Variants in NSD3 observed in about 807,000 individuals in gnomAD.
NSD3 encodes the protein nuclear receptor binding SET domain protein 3, also known as histone-lysine N-methyltransferase NSD3.
In NSD3, 24 loss-of-function variants were observed where a neutral mutation model predicts 160.8. The observed-to-expected ratio is 0.15, with a 90% CI of 0.11 to 0.21. NSD3 has a LOEUF of 0.21. Ranked by LOEUF, NSD3 falls within the 10% of genes least tolerant of loss-of-function variation. NSD3 has a pLI of 1.00. For missense variants in NSD3, 1,157 were observed against 1,735.9 expected, an observed-to-expected ratio of 0.67 and a Z score of 5.93; for synonymous variants, 520 against 600.0, an observed-to-expected ratio of 0.87 and a Z score of 1.95.
chr8:38,291,889 G>C (rs1809004363), intron 16 of NSD3, among the ~76,000 whole-genome samples: 1 of 152,164 alleles, frequency 6.6e-6, no homozygotes, highest in South Asian at 2.1e-4. Flanking sequence ...GGCCTGACTG[G>C]AAAGAAATAC....
At position 38,272,821 on chromosome 8, in the gene NSD3, T is replaced by C. The variant is rs965387205; in HGVS notation, c.*2820A>G. ...GAGCAATGTCTTTTGGAATATTTCA[T>C]TGGTGTATCACAGGCACAGTGCATG... is the stretch of plus-strand genomic sequence containing the variant. On this transcript the variant is annotated 3_prime_UTR_variant, in exon 24 of 24. Coordinates refer to ENST00000317025, the MANE Select transcript of NSD3 (RefSeq NM_023034.2). 6.6e-6 allele frequency: 1 copy of C among 152,222 alleles called. No homozygotes were observed. Among genetic ancestry groups the C allele is most frequent in the Non-Finnish European group, 1.5e-5 (1 of 68,042 alleles). 9.4% of individuals were successfully genotyped at this position (152,222 alleles called of 1,614,324 possible). A position where few individuals can be genotyped will look rare whatever the true frequency, so the allele number is the denominator to read the frequency against.
At position 38,274,871 on chromosome 8, in the gene NSD3, A is replaced by G. The variant is rs1363308036; in HGVS notation, c.*770T>C. On this transcript the variant is annotated 3_prime_UTR_variant, in exon 24 of 24. Transcript: ENST00000317025. ...ACTTCATCCAAAACCCAAACCATCC[A>G]TGTCAATGGAAAACGTTTTAAAAAT... 1 of 180,990 alleles carries G rather than the reference A, an allele frequency of 5.5e-6. No individual in the cohort carries two copies. Among genetic ancestry groups the G allele is most frequent in the Non-Finnish European group, 1.2e-5 (1 of 84,744 alleles). The allele number at this position is 180,990 out of a possible 1,614,324, so 11.2% of individuals were successfully genotyped here. A position where few individuals can be genotyped will look rare whatever the true frequency, so the allele number is the denominator to read the frequency against.
At chr8:38,365,606 G>A (rs1585927588) in intron 1 of NSD3, among the ~76,000 whole-genome samples, 2 of 152,250 alleles carry the variant, frequency 1.3e-5, no homozygotes, top group South Asian at 4.1e-4. Context: ...CAGAGTAGCT[G>A]CAATTACAGG....
Position 38,345,033 on chromosome 8 carries a change from A to G in NSD3, c.675+2464T>C, listed in dbSNP as rs535441245. Among the ~76,000 whole-genome samples the G allele has an allele frequency of 6.6e-5, 10 of 152,348 alleles. No individual in the cohort carries two copies. The South Asian group carries it at 2.1e-3, about 32-fold the overall frequency. The stretch of plus-strand genomic sequence containing the variant: ...TACACATCTCTAGCTTAGCAAAAGC[A>G]TGACATTAACGATAGGCAAGAGCTG... On this transcript the variant is annotated intron_variant, in intron 2 of 23. Transcript: ENST00000317025.
rs1399854074 is a variant in NSD3, at chr8:38,337,448, G to C, written c.767C>G (p.Ser256Cys). The C allele has an allele frequency of 4.6e-5, 74 of 1,601,516 alleles. No individual in the cohort carries two copies. The highest frequency in any genetic ancestry group is 6.3e-5 in the Non-Finnish European group (74 of 1,175,412). ...AGTGGACACTTCCGTTGTTGGAACA[G>C]AAGATAGTATTGGCTGAACCTACAG... ...EEAPVQPILS[S>C]VPTTEVSTGV... is the part of the protein sequence containing the mutation. The change falls in exon 4 of 24, where the codon TCT (serine) becomes TGT (cysteine). Residue 256 changes from serine to cysteine, a missense_variant. Ser to Cys is a moderately radical substitution (Grantham distance 112, BLOSUM62 -1). Coordinates refer to ENST00000317025, the MANE Select transcript of NSD3 (RefSeq NM_023034.2).
At chr8:38,341,728 G>A (rs968211534) in intron 2 of NSD3, among the ~76,000 whole-genome samples, 12 of 152,000 alleles carry the variant, frequency 7.9e-5, no homozygotes, top group Non-Finnish European at 1.8e-4. Context: ...GGGGCAGGTG[G>A]ATCACTTGAG....
intron 19 of NSD3, among the ~76,000 whole-genome samples, chr8:38,286,012 A>G (rs1237440670): frequency 2.6e-5 from 4 of 152,146 alleles, no homozygotes; most frequent in Non-Finnish European, 5.9e-5. Context: ...CAGACTCTCA[A>G]GGTGGCCCCG....
Position 38,316,695 on chromosome 8 carries a change from ACAAT to A in NSD3, c.1856-657_1856-654del. ...GCACATTGCTGAGGGCTGTAAATGG[ACAAT>A]CAGTGTTCAAGTGCAGCCAAATCAC... On this transcript the variant is annotated intron_variant, in intron 9 of 23. Transcript: ENST00000317025. This position sits in a 1 kb window ranked among gnomAD's most constrained non-coding sequence, Gnocchi z 4.5. 9.5e-7 allele frequency: 1 copy of A among 1,055,824 alleles called. No individual in the cohort carries two copies. Among genetic ancestry groups the A allele is most frequent in the Non-Finnish European group, 1.1e-6 (1 of 873,282 alleles). 65.4% of individuals were successfully genotyped at this position (1,055,824 alleles called of 1,614,324 possible). A position where few individuals can be genotyped will look rare whatever the true frequency, so the allele number is the denominator to read the frequency against.
At chr8:38,343,661 C>T (rs777437551) in intron 2 of NSD3, among the ~76,000 whole-genome samples, 2 of 152,156 alleles carry the variant, frequency 1.3e-5, no homozygotes, top group Non-Finnish European at 1.5e-5. Flanking sequence ...CGAGACTGCA[C>T]CACTGCACTC....
intron 3 of NSD3, 25 bp from the exon 4 acceptor site, chr8:38,337,492 C>T (rs371525929): frequency 6.6e-7 from 1 of 1,522,102 alleles, no homozygotes; most frequent in Admixed American, 2.4e-5. Context: ...CAAAAAACTT[C>T]ATCAGAAATT....
intron 12 of NSD3, among the ~76,000 whole-genome samples, chr8:38,308,602 T>G (rs1809460864): frequency 6.6e-6 from 1 of 151,972 alleles, no homozygotes; most frequent in African/African-American, 2.4e-5. Context: ...GAGGATCACT[T>G]GAGCACAGGA....
At chr8:38,275,934 G>T (rs1808590933) in intron 23 of NSD3, 52 bp from the exon 24 acceptor site, 2 of 1,517,532 alleles carry the variant, frequency 1.3e-6, no homozygotes, top group Non-Finnish European at 1.8e-6. Flanking sequence ...GTTAGTGCCT[G>T]TCTTGATTAC....
chr8:38,335,264 A>G (rs1810188513), intron 4 of NSD3, among the ~76,000 whole-genome samples: 1 of 152,236 alleles, frequency 6.6e-6, no homozygotes. Flanking sequence ...CTGGGATTAC[A>G]GGCATGAGGC....
chr8:38,341,788 T>C (rs1810374984), intron 2 of NSD3, among the ~76,000 whole-genome samples: 1 of 150,902 alleles, frequency 6.6e-6, no homozygotes, highest in African/African-American at 2.4e-5. Flanking sequence ...CCCATCTCTA[T>C]AAAAAAAGAG....
chr8:38,337,405 A>G lies in NSD3; in HGVS notation c.810T>C (p.Val270=). The G allele has an allele frequency of 6.2e-7, 1 of 1,612,950 alleles. No homozygotes were observed. The highest frequency in any genetic ancestry group is 8.5e-7 in the Non-Finnish European group (1 of 1,179,594). ...CCACCTTGGACCACACAAGATCGCC[A>G]ACCTGAAACTTAACACCAGTGGACA... is the stretch of plus-strand genomic sequence containing the variant. ...TEVSTGVKFQ[V]GDLVWSKVGT... is the part of the protein sequence containing the mutation. The change falls in exon 4 of 24, where the codon GTT becomes GTC. Residue 270 remains valine, a synonymous_variant. Transcript: ENST00000317025.
At chr8:38,370,419 C>T (rs539067861) in intron 1 of NSD3, among the ~76,000 whole-genome samples, 57 of 145,366 alleles carry the variant, frequency 3.9e-4, no homozygotes, top group African/African-American at 1.3e-3. Context: ...CTCGCTCTGT[C>T]GCCCAGGCTC....
chr8:38,320,950 G>A (rs975334292), intron 8 of NSD3, 122 bp downstream of exon 8: 71 of 876,006 alleles, frequency 8.1e-5, no homozygotes, highest in South Asian at 6.7e-4. Context: ...GGACAGAAGC[G>A]TTAAGATAGT....
rs1023584927 is a variant in NSD3, at chr8:38,334,747, A to G, written c.910+2558T>C. Among the ~76,000 whole-genome samples the G allele has an allele frequency of 6.0e-5, 9 of 150,056 alleles. No individual in the cohort carries two copies. The South Asian group carries it at 1.1e-3, about 18-fold the overall frequency. On this transcript the variant is annotated intron_variant, in intron 4 of 23. Coordinates refer to ENST00000317025, the MANE Select transcript of NSD3 (RefSeq NM_023034.2). ...TGCACTACAGCCTGGGCAACAATCCATCTCAAAAACAAACAAACAAACAAA... is the reference window on the plus strand; with the variant it reads ...TGCACTACAGCCTGGGCAACAATCCGTCTCAAAAACAAACAAACAAACAAA...
At chr8:38,373,693 G>C (rs1298832136) in intron 1 of NSD3, among the ~76,000 whole-genome samples, 1 of 151,796 alleles carries the variant, frequency 6.6e-6, no homozygotes, top group East Asian at 1.9e-4. Context: ...ATCCCAATAA[G>C]CTACCCATTC....
Sources: allele counts gnomAD v4.1 joint callset (sites outside exome capture counted in the v4.1 genomes callset), GRCh38; gene constraint gnomAD v4.1.1; non-coding constraint Gnocchi (gnomAD v3.1); transcripts MANE v1.5; gene names NCBI Gene and HGNC (gene_info 2026-07-23, HGNC 2026-07-21).